The following TRAPPC9 variants were observed in gnomAD, a reference collection of about 807,000 sequenced individuals.
The protein encoded by TRAPPC9 is trafficking protein particle complex subunit 9.
Under a neutral mutation model 124.0 loss-of-function variants are expected in TRAPPC9, and 83 were observed. That is an observed-to-expected ratio of 0.67 (90% CI 0.56 to 0.80). TRAPPC9 has a LOEUF of 0.80. Ranked by LOEUF, TRAPPC9 falls within the 30% of genes least tolerant of loss-of-function variation. The pLI is 0.00. For synonymous variants in TRAPPC9, 638 were observed against 617.5 expected, an observed-to-expected ratio of 1.03 and a Z score of -0.49; for missense variants, 1,302 against 1,508.3, an observed-to-expected ratio of 0.86 and a Z score of 2.27.
At chr8:139,734,902 T>G (rs1316814808) in intron 21 of TRAPPC9, among the ~76,000 whole-genome samples, 3 of 152,168 alleles carry the variant, frequency 2.0e-5, no homozygotes, top group Non-Finnish European at 4.4e-5. Flanking sequence ...TATTCTAGTG[T>G]TTTTCAAGGC....
intron 11 of TRAPPC9, among the ~76,000 whole-genome samples, chr8:140,291,531 G>A (rs1027954374): frequency 2.0e-5 from 3 of 152,238 alleles, no homozygotes; most frequent in Non-Finnish European, 2.9e-5. Context: ...CTGCAGTTCA[G>A]TACCTGTGCA....
At chr8:139,884,531 C>T (rs1829878062) in intron 21 of TRAPPC9, among the ~76,000 whole-genome samples, 1 of 152,220 alleles carries the variant, frequency 6.6e-6, no homozygotes, top group African/African-American at 2.4e-5. Flanking sequence ...GGTGGAATCT[C>T]CTCTGGCAAC....
intron 17 of TRAPPC9, among the ~76,000 whole-genome samples, chr8:140,115,497 G>A (rs1330464332): frequency 1.3e-5 from 2 of 152,078 alleles, no homozygotes; most frequent in Non-Finnish European, 2.9e-5. Flanking sequence ...TTGAACTCCT[G>A]ACCTCATGAT....
chr8:140,127,677 T>C (rs2061123544), intron 17 of TRAPPC9, among the ~76,000 whole-genome samples: 1 of 152,240 alleles, frequency 6.6e-6, no homozygotes, highest in Non-Finnish European at 1.5e-5. Flanking sequence ...ATAATTTCAT[T>C]TTATCAACAA....
rs142325146 is a variant in TRAPPC9 at position 140,024,065 on chromosome 8, G to A, written c.2571C>T (p.Val857=). ...GGCCTCCAGAGTATTTGAAATTCAGGACAGCTTCCAGGGTCTAAAAGATAT... is the reference window on the plus strand; with the variant it reads ...GGCCTCCAGAGTATTTGAAATTCAGAACAGCTTCCAGGGTCTAAAAGATAT... ...DYSHVKTLEA[V]LNFKYSGGPG... Residue 857 remains valine (V), a synonymous_variant, in exon 18 of 23, where the codon GTC becomes GTT. Coordinates refer to ENST00000438773, the MANE Select transcript of TRAPPC9 (RefSeq NM_001160372.4). 5 of 1,613,822 alleles carry A rather than the reference G, an allele frequency of 3.1e-6. No homozygotes were observed. The highest frequency in any genetic ancestry group is 3.3e-5 in the Admixed American group (2 of 59,994).
At chr8:139,737,173 C>A (rs1346934907) in intron 21 of TRAPPC9, among the ~76,000 whole-genome samples, 1 of 152,174 alleles carries the variant, frequency 6.6e-6, no homozygotes. Flanking sequence ...CCCCAGCATT[C>A]GGCTTCTATC....
At chr8:140,009,860 TC>T (rs1839008410) in intron 18 of TRAPPC9, among the ~76,000 whole-genome samples, 1 of 152,204 alleles carries the variant, frequency 6.6e-6, no homozygotes, top group Admixed American at 6.5e-5. Context: ...TCAACTTTAC[TC>T]ATTGCTGTCT....
chr8:139,874,523 G>A (rs544017301), intron 21 of TRAPPC9, among the ~76,000 whole-genome samples: 42 of 152,360 alleles, frequency 2.8e-4, no homozygotes, highest in African/African-American at 1.0e-3. Flanking sequence ...GTGGGGCCAG[G>A]GAGGCCAAGG....
intron 19 of TRAPPC9, chr8:139,932,694 G>A: frequency 2.7e-6 from 1 of 375,730 alleles, no homozygotes; most frequent in South Asian, 2.0e-5. Context: ...AACCCCAGAG[G>A]TGGAGGTTGC....
chr8:139,796,108 AGAG>A (rs1403837161), intron 21 of TRAPPC9, among the ~76,000 whole-genome samples: 2 of 142,316 alleles, frequency 1.4e-5, no homozygotes, highest in East Asian at 2.1e-4. Flanking sequence ...AGGAGGAGGA[AGAG>A]GAGGAGGGAG....
At chr8:140,190,395 T>C (rs905365992) in intron 17 of TRAPPC9, among the ~76,000 whole-genome samples, 3 of 151,990 alleles carry the variant, frequency 2.0e-5, no homozygotes, top group Non-Finnish European at 4.4e-5. Context: ...GAGCCGGAGG[T>C]TGCAGTGAGC....
Position 139,834,081 on chromosome 8 carries a change from G to T in TRAPPC9, c.3055+51798C>A. ...GCCCTGTGTGGGCCTCTGGAACGAA[G>T]CAGGGTGAGAAACTCCGGTGCATAG... On this transcript the variant is annotated intron_variant, in intron 21 of 22. Transcript: ENST00000438773. Among the ~76,000 whole-genome samples, 2 of 152,216 alleles carry T rather than the reference G, an allele frequency of 1.3e-5. 1 individual carries two copies. The highest frequency in any genetic ancestry group is 3.9e-4 in the East Asian group (2 of 5,194).
intron 21 of TRAPPC9, among the ~76,000 whole-genome samples, chr8:139,874,299 TAGG>T: frequency 6.6e-6 from 1 of 152,204 alleles, no homozygotes; most frequent in Admixed American, 6.5e-5. Flanking sequence ...CTTGGACCGA[TAGG>T]AGGAGGATGG....
intron 19 of TRAPPC9, among the ~76,000 whole-genome samples, chr8:139,936,136 C>T (rs1400089516): frequency 2.0e-5 from 3 of 152,346 alleles, no homozygotes; most frequent in African/African-American, 2.4e-5. Context: ...CCTGGATTCC[C>T]GGCATCCCTA....
chr8:139,769,271 A>G (rs775119323), intron 21 of TRAPPC9, among the ~76,000 whole-genome samples: 1 of 152,238 alleles, frequency 6.6e-6, no homozygotes. Flanking sequence ...TATTAGGCAT[A>G]GTGAGAGACT....
At chr8:140,307,269 C>T (rs749307487) in intron 10 of TRAPPC9, among the ~76,000 whole-genome samples, 8 of 152,156 alleles carry the variant, frequency 5.3e-5, no homozygotes, top group Non-Finnish European at 2.9e-5. Flanking sequence ...AACACTGCAG[C>T]GGACAGAGCT....
rs1817647809 is a variant in TRAPPC9, at chr8:139,728,180, T to A, written c.*2881A>T. ...GAGTTGACAAGTGGCTGAGCTGGAG[T>A]TCAGCATCTCAGACATCTTCCTTTG... On this transcript the variant is annotated 3_prime_UTR_variant, in exon 23 of 23. Transcript: ENST00000438773. 6.6e-6 allele frequency among the ~76,000 whole-genome samples: 1 copy of A among 151,944 alleles called. No individual in the cohort carries two copies. Among genetic ancestry groups the A allele is most frequent in the Non-Finnish European group, 1.5e-5 (1 of 67,982 alleles).
intron 17 of TRAPPC9, among the ~76,000 whole-genome samples, chr8:140,197,346 C>T (rs1367470434): frequency 6.6e-6 from 1 of 152,192 alleles, no homozygotes; most frequent in East Asian, 1.9e-4. Flanking sequence ...CCTTTCTTCA[C>T]TTGGAGCCCC....
intron 17 of TRAPPC9, among the ~76,000 whole-genome samples, chr8:140,166,657 GA>G (rs2061842727): frequency 6.6e-6 from 1 of 152,242 alleles, no homozygotes; most frequent in Non-Finnish European, 1.5e-5. Context: ...AGGAATTTCA[GA>G]TACTGAGCTG....
Sources: allele counts gnomAD v4.1 joint callset (sites outside exome capture counted in the v4.1 genomes callset), GRCh38; gene constraint gnomAD v4.1.1; transcripts MANE v1.5; gene names NCBI Gene and HGNC (gene_info 2026-07-23, HGNC 2026-07-21).